Variants in HEATR1 observed in about 807,000 individuals in gnomAD.
HEATR1 encodes the protein HEAT repeat containing 1, also known as HEAT repeat-containing protein 1.
Under a neutral mutation model 248.2 loss-of-function variants are expected in HEATR1, and 77 were observed. The observed-to-expected ratio is 0.31, with a 90% CI of 0.26 to 0.37. The LOEUF (loss-of-function observed/expected upper bound fraction) is 0.37, where lower values mean the gene tolerates loss of function less well. Among genes scored for constraint, HEATR1 ranks in the 10% least tolerant of loss-of-function variants. The pLI is 1.00. For synonymous variants in HEATR1, 897 were observed against 923.1 expected (o/e 0.97, Z 0.51); for missense variants, 2,420 against 2,504.9 (o/e 0.97, Z 0.72).
chr1:236,588,606 A>T (rs984404431), intron 12 of HEATR1, among the ~76,000 whole-genome samples: 1 of 152,258 alleles, frequency 6.6e-6, no homozygotes. Flanking sequence ...AAGGATAAGG[A>T]CATGTACTAC....
chr1:236,579,963 C>A (rs955878862), intron 20 of HEATR1, among the ~76,000 whole-genome samples: 2 of 150,854 alleles, frequency 1.3e-5, no homozygotes, highest in African/African-American at 2.4e-5. Context: ...CAAAAAAAAA[C>A]CAAGGACATC....
Position 236,571,474 on chromosome 1 carries a change from T to C in HEATR1, c.3827-2A>G. ...TGAACTTCTCCTCATCTAAAATATC[T>C]ACAATGGTGAGAAAGACAAAAACCC... On this transcript the variant is annotated splice_acceptor_variant, in intron 27 of 44. Coordinates refer to ENST00000366582, the MANE Select transcript of HEATR1 (RefSeq NM_018072.6). LOFTEE classifies it high-confidence loss of function. 6.2e-7 allele frequency: 1 copy of C among 1,613,718 alleles called. No individual in the cohort carries two copies. Among genetic ancestry groups the C allele is most frequent in the Non-Finnish European group, 8.5e-7 (1 of 1,179,932 alleles).
Position 236,555,402 on chromosome 1 carries a change from C to G in HEATR1, c.5817G>C (p.Leu1939Phe). 1 of 1,614,208 alleles carries G rather than the reference C, an allele frequency of 6.2e-7. No homozygotes were observed. Among genetic ancestry groups the G allele is most frequent in the Non-Finnish European group, 8.5e-7 (1 of 1,180,038 alleles). Residue 1939 changes from leucine (L) to phenylalanine (F), a missense_variant, in exon 41 of 45, where the codon TTG becomes TTC. Leu to Phe is a conservative substitution (Grantham distance 22). Transcript: ENST00000366582. ...TCAGCTTTTCAGCAATGCAATCTGC[C>G]AAGTTGTAAAATGTCAACAACCTGT... ...PKDRLLTFYN[L>F]ADCIAEKLKG... is the part of the protein sequence containing the mutation.
At chr1:236,604,292 A>G in intron 1 of HEATR1, 130 bp downstream of exon 1, 1 of 506,066 alleles carries the variant, frequency 2.0e-6, no homozygotes, top group Non-Finnish European at 3.3e-6. Context: ...GTTAACAACT[A>G]ATTACAGTAG....
intron 6 of HEATR1, 108 bp from the exon 7 acceptor site, chr1:236,596,152 T>C (rs1664172542): frequency 2.6e-6 from 2 of 781,372 alleles, no homozygotes; most frequent in Admixed American, 2.6e-5. Context: ...TACAACCTAA[T>C]GCATAGTCAA....
chr1:236,575,211 A>C (rs994780041), intron 22 of HEATR1, among the ~76,000 whole-genome samples: 18 of 152,206 alleles, frequency 1.2e-4, no homozygotes, highest in African/African-American at 4.3e-4. Flanking sequence ...AATAAAAATA[A>C]AGTTTAAGAT....
At chr1:236,551,836 GC>G (rs1662760729) in intron 44 of HEATR1, 162 bp downstream of exon 44, 1 of 574,502 alleles carries the variant, frequency 1.7e-6, no homozygotes, top group Non-Finnish European at 3.1e-6. Flanking sequence ...CAAAACAGGA[GC>G]TCGAGCCTGC....
chr1:236,550,975 A>C lies in HEATR1; in HGVS notation c.6362T>G (p.Val2121Gly). ...AELMEDECEEVEHQCQKTIQQ... is the reference protein window; with the variant it reads ...AELMEDECEEGEHQCQKTIQQ... ...AATAGTCTTTTGGCACTGATGTTCT[A>C]CTTCTTCACATTCATCTAAAAAAAA... Residue 2121 changes from valine to glycine, a missense_variant, in exon 45 of 45, where the codon GTA becomes GGA. Val to Gly is a moderately radical substitution (Grantham distance 109, BLOSUM62 -3). Coordinates refer to ENST00000366582, the MANE Select transcript of HEATR1 (RefSeq NM_018072.6). 2 of 1,494,862 alleles carry C rather than the reference A, an allele frequency of 1.3e-6. No individual in the cohort carries two copies. Among genetic ancestry groups the C allele is most frequent in the Non-Finnish European group, 1.8e-6 (2 of 1,084,680 alleles). The allele number at this position is 1,494,862 out of a possible 1,614,324, so 92.6% of individuals were successfully genotyped here. A position where few individuals can be genotyped will look rare whatever the true frequency, so the allele number is the denominator to read the frequency against.
At chr1:236,584,734 G>A (rs1663839608) in intron 17 of HEATR1, among the ~76,000 whole-genome samples, 1 of 152,210 alleles carries the variant, frequency 6.6e-6, no homozygotes, top group Admixed American at 6.5e-5. Flanking sequence ...GCTAGAGGTA[G>A]TTAGGTGTAG....
At chr1:236,575,607 A>T (rs1026394176) in intron 22 of HEATR1, among the ~76,000 whole-genome samples, 10 of 152,190 alleles carry the variant, frequency 6.6e-5, no homozygotes, top group African/African-American at 2.4e-4. Flanking sequence ...AGTGTAATCA[A>T]ATGGTCTTCA....
At chr1:236,581,907 T>C (rs1231597889) in intron 19 of HEATR1, among the ~76,000 whole-genome samples, 1 of 152,206 alleles carries the variant, frequency 6.6e-6, no homozygotes, top group Non-Finnish European at 1.5e-5. Flanking sequence ...TGGGCTGTTG[T>C]TATTTTTAAA....
At chr1:236,588,100 T>G (rs1663941810) in intron 12 of HEATR1, 57 bp from the exon 13 acceptor site, 2 of 1,314,392 alleles carry the variant, frequency 1.5e-6, no homozygotes, top group South Asian at 2.6e-5. Context: ...CTTAAGGCTT[T>G]GCACTAGAAA....
chr1:236,566,898 C>T (rs1558181372), intron 29 of HEATR1, 22 bp from the exon 30 acceptor site: 1 of 1,511,110 alleles, frequency 6.6e-7, no homozygotes, highest in African/African-American at 1.4e-5. Context: ...CAAGCAGAGA[C>T]AATGAGTAGG....
At chr1:236,577,307 C>T (rs879436928) in intron 20 of HEATR1, among the ~76,000 whole-genome samples, 3 of 151,552 alleles carry the variant, frequency 2.0e-5, no homozygotes, top group Non-Finnish European at 4.4e-5. Context: ...GCACGCCACA[C>T]GCCTGGCTAA....
In HEATR1 at chr1:236,603,989, G is replaced by A. The variant is rs764763618; in HGVS notation, c.107C>T (p.Ala36Val). ...GGCGGTGTCCCTGTCGATTGTGGCC[G>A]CTTCCTTAGGGTCAAATAACAAAGA... ...VASLLFDPKEAATIDRDTAFA... is the reference protein window; with the variant it reads ...VASLLFDPKEVATIDRDTAFA... Residue 36 changes from alanine to valine, a missense_variant, in exon 2 of 45, where the codon GCG becomes GTG. By Grantham distance (64) the Ala-to-Val change is moderately conservative. Coordinates refer to ENST00000366582, the MANE Select transcript of HEATR1 (RefSeq NM_018072.6). 6.3e-6 allele frequency: 10 copies of A among 1,598,082 alleles called. No individual in the cohort carries two copies. In the Admixed American group the frequency reaches 1.1e-4, roughly 17 times the overall value.
chr1:236,561,713 C>T (rs931194028), intron 32 of HEATR1, among the ~76,000 whole-genome samples: 14 of 152,206 alleles, frequency 9.2e-5, no homozygotes, highest in Non-Finnish European at 1.9e-4. Context: ...GTTTCAAACA[C>T]TACATATCAC....
rs746674579 is a variant in HEATR1 at position 236,558,279 on chromosome 1, A to G, written c.5162T>C (p.Val1721Ala). 1.2e-6 allele frequency: 2 copies of G among 1,614,002 alleles called. No individual in the cohort carries two copies. Among genetic ancestry groups the G allele is most frequent in the Admixed American group, 3.3e-5 (2 of 60,024 alleles). Reference protein sequence around the residue: ...LGSALLCIAEVTSTLEALAIP... With the variant: ...LGSALLCIAEATSTLEALAIP... Reference sequence around the variant, plus strand: ...GGCCAGCGCCTCCAGGGTGGAGGTCACCTCTGCTATGCACAGCAGCGCGCT... The same window carrying G: ...GGCCAGCGCCTCCAGGGTGGAGGTCGCCTCTGCTATGCACAGCAGCGCGCT... The change falls in exon 36 of 45, where the codon GTG (valine) becomes GCG (alanine). Residue 1721 changes from valine (V) to alanine (A), a missense_variant. Physicochemically the swap from Val to Ala is moderately conservative, Grantham distance 64. Transcript: ENST00000366582.
intron 11 of HEATR1, among the ~76,000 whole-genome samples, chr1:236,591,394 A>G (rs1664034825): frequency 6.6e-6 from 1 of 152,152 alleles, no homozygotes. Context: ...TTATCCATCA[A>G]CCTAAGATTT....
intron 2 of HEATR1, 66 bp downstream of exon 2, chr1:236,603,888 A>T: frequency 6.4e-7 from 1 of 1,551,344 alleles, no homozygotes; most frequent in Non-Finnish European, 8.7e-7. Context: ...AGGGGAAAAA[A>T]AAAAAACAGT....
Sources: allele counts gnomAD v4.1 joint callset (sites outside exome capture counted in the v4.1 genomes callset), GRCh38; gene constraint gnomAD v4.1.1; transcripts MANE v1.5; gene names NCBI Gene and HGNC (gene_info 2026-07-23, HGNC 2026-07-21).